Variants in MITF observed in about 807,000 individuals in gnomAD.
MITF encodes the protein microphthalmia-associated transcription factor.
In MITF, 17 loss-of-function variants were observed where a neutral mutation model predicts 60.5. The observed-to-expected ratio is 0.28, with a 90% CI of 0.19 to 0.42. The LOEUF (loss-of-function observed/expected upper bound fraction) is 0.42, where lower values mean the gene tolerates loss of function less well. MITF is among the 10% of genes least tolerant of loss of function. The probability of loss-of-function intolerance (pLI) is 1.00; values close to 1 mark genes in which losing one functional copy is unlikely to be tolerated. For synonymous variants in MITF, 260 were observed against 248.5 expected (o/e 1.05, Z -0.43); for missense variants, 622 against 683.5 (o/e 0.91, Z 1.00).
intron 5 of MITF, among the ~76,000 whole-genome samples, chr3:69,944,018 C>T (rs1651450374): frequency 6.6e-6 from 1 of 152,018 alleles, no homozygotes; most frequent in South Asian, 2.1e-4. Context: ...CACTTGAGAC[C>T]AAGAGTTCAA....
intron 1 of MITF, among the ~76,000 whole-genome samples, chr3:69,857,187 G>T (rs1476586007): frequency 6.6e-6 from 1 of 151,938 alleles, no homozygotes; most frequent in Non-Finnish European, 1.5e-5. Flanking sequence ...TCCAGTGCAA[G>T]GTTCTAATTT....
chr3:69,918,867 A>G (rs1316302264), intron 2 of MITF, among the ~76,000 whole-genome samples: 1 of 152,220 alleles, frequency 6.6e-6, no homozygotes, highest in Non-Finnish European at 1.5e-5. Context: ...CTCTCCAATA[A>G]CTATTTTGAA....
chr3:69,819,141 T>A (rs2063226990), intron 1 of MITF, among the ~76,000 whole-genome samples: 1 of 152,198 alleles, frequency 6.6e-6, no homozygotes, highest in East Asian at 1.9e-4. Flanking sequence ...AGGGGCTTTT[T>A]AAGTCATGAT....
At chr3:69,960,539 G>A (rs890177935) in intron 9 of MITF, among the ~76,000 whole-genome samples, 1 of 152,074 alleles carries the variant, frequency 6.6e-6, no homozygotes, top group African/African-American at 2.4e-5. Context: ...TGGACCAAAG[G>A]GGGTTTGTGA....
chr3:69,909,420 G>A (rs2065174449), intron 2 of MITF, among the ~76,000 whole-genome samples: 1 of 152,176 alleles, frequency 6.6e-6, no homozygotes, highest in African/African-American at 2.4e-5. Context: ...AGAGTGGGGT[G>A]TTGCTGAAAC....
chr3:69,750,586 GCA>G (rs1475472534), intron 1 of MITF, among the ~76,000 whole-genome samples: 2 of 151,588 alleles, frequency 1.3e-5, no homozygotes, highest in Admixed American at 6.6e-5. Context: ...AATCATTAGG[GCA>G]GTGGTTCTTA....
rs144340353 is a variant in MITF at position 69,843,115 on chromosome 3, C to G, written c.105-36019C>G. On this transcript the variant is annotated intron_variant, in intron 1 of 9. Transcript: ENST00000352241. ...TTGCCAGGGACTATAACCTTGAGTA[C>G]TCAATGAGTACTCCGTAAGTACTCA... Among the ~76,000 whole-genome samples, 21 of 152,156 alleles carry G rather than the reference C, an allele frequency of 1.4e-4. No individual in the cohort carries two copies. The East Asian group carries it at 4.1e-3, about 30-fold the overall frequency.
intron 5 of MITF, among the ~76,000 whole-genome samples, chr3:69,947,055 T>C (rs1334091707): frequency 1.3e-5 from 2 of 152,214 alleles, no homozygotes; most frequent in African/African-American, 4.8e-5. Flanking sequence ...CTGTTCAACA[T>C]AGGTCTATCA....
chr3:69,935,069 C>T (rs555309028), intron 2 of MITF, among the ~76,000 whole-genome samples: 1 of 152,226 alleles, frequency 6.6e-6, no homozygotes, highest in African/African-American at 2.4e-5. Flanking sequence ...CTCTGGTTTG[C>T]CACAGACCTC....
intron 2 of MITF, among the ~76,000 whole-genome samples, chr3:69,915,757 C>T (rs1018023005): frequency 1.3e-5 from 2 of 152,170 alleles, no homozygotes; most frequent in Non-Finnish European, 2.9e-5. Context: ...GTCTGGAGAG[C>T]AATGGAAGCC....
intron 1 of MITF, among the ~76,000 whole-genome samples, chr3:69,854,500 GT>G (rs1368513352): frequency 6.6e-6 from 1 of 152,026 alleles, no homozygotes; most frequent in Non-Finnish European, 1.5e-5. Context: ...ACTATATTGA[GT>G]TTTTATTTGT....
intron 1 of MITF, among the ~76,000 whole-genome samples, chr3:69,747,895 G>A (rs1169295702): frequency 6.6e-6 from 1 of 152,224 alleles, no homozygotes; most frequent in Non-Finnish European, 1.5e-5. Context: ...TGGTGTTAAG[G>A]AGAGGCCTAA....
chr3:69,752,925 C>G (rs1703988889), intron 1 of MITF, among the ~76,000 whole-genome samples: 1 of 152,190 alleles, frequency 6.6e-6, no homozygotes, highest in Non-Finnish European at 1.5e-5. Context: ...CCTGAAGCCT[C>G]CCCATTTTCT....
At chr3:69,787,020 G>A (rs1422358179) in intron 1 of MITF, among the ~76,000 whole-genome samples, 1 of 152,164 alleles carries the variant, frequency 6.6e-6, no homozygotes, top group East Asian at 1.9e-4. Flanking sequence ...ACTTCGTGAT[G>A]ATAAGATGTC....
chr3:69,758,680 TAC>T, intron 1 of MITF: 1 of 202,852 alleles, frequency 4.9e-6, no homozygotes, highest in Middle Eastern at 1.7e-3. Flanking sequence ...GGTTCCAGGA[TAC>T]AGAGTGTGTC....
At chr3:69,829,908 G>C (rs1328147656) in intron 1 of MITF, among the ~76,000 whole-genome samples, 1 of 152,186 alleles carries the variant, frequency 6.6e-6, no homozygotes, top group Non-Finnish European at 1.5e-5. Context: ...ACAGTGGGTT[G>C]AGAGGAGCCT....
At chr3:69,963,139 C>T (rs2066592006) in intron 9 of MITF, among the ~76,000 whole-genome samples, 1 of 152,114 alleles carries the variant, frequency 6.6e-6, no homozygotes, top group African/African-American at 2.4e-5. Context: ...CAGTCACATT[C>T]CAAGGTACTA....
intron 1 of MITF, among the ~76,000 whole-genome samples, chr3:69,828,454 A>G (rs17006493): frequency 0.5 from 76,105 of 151,862 alleles, 20,761 homozygotes; most frequent in Non-Finnish European, 0.63. Context: ...GATAATGTTA[A>G]CTCACCTAGA....
chr3:69,770,460 T>C (rs1442072773), intron 1 of MITF, among the ~76,000 whole-genome samples: 1 of 152,122 alleles, frequency 6.6e-6, no homozygotes, highest in East Asian at 1.9e-4. Flanking sequence ...CTTCAATGGT[T>C]AGGTTAATAA....
Sources: allele counts gnomAD v4.1 joint callset (sites outside exome capture counted in the v4.1 genomes callset), GRCh38; gene constraint gnomAD v4.1.1; transcripts MANE v1.5; gene names NCBI Gene and HGNC (gene_info 2026-07-23, HGNC 2026-07-21).